DEPTOR: variants seen among roughly 807,000 people sequenced by gnomAD.
DEPTOR encodes the protein DEP domain-containing mTOR-interacting protein.
A neutral mutation model predicts 41.6 loss-of-function variants in DEPTOR; 41 were observed. The observed-to-expected ratio is 0.98, with a 90% CI of 0.77 to 1.28. The LOEUF is 1.28. DEPTOR is among the 50% of genes most tolerant of loss of function. The pLI is 0.00. For synonymous variants in DEPTOR, 195 were observed against 192.3 expected (o/e 1.01, Z -0.12); for missense variants, 514 against 527.9 (o/e 0.97, Z 0.26).
intron 1 of DEPTOR, among the ~76,000 whole-genome samples, chr8:119,910,606 A>T (rs142963324): frequency 2.7e-4 from 41 of 151,784 alleles, no homozygotes; most frequent in Non-Finnish European, 5.7e-4. Flanking sequence ...GTGCCCAGCT[A>T]AGTTTTGTAT....
intron 6 of DEPTOR, 67 bp from the exon 7 acceptor site, chr8:120,006,738 T>C: frequency 7.1e-7 from 1 of 1,409,070 alleles, no homozygotes; most frequent in Non-Finnish European, 1.0e-6. Context: ...TATCAATAAA[T>C]AGCTGCTGAA....
intron 1 of DEPTOR, among the ~76,000 whole-genome samples, chr8:119,896,607 C>T (rs893895388): frequency 5.9e-5 from 9 of 152,166 alleles, no homozygotes; most frequent in Non-Finnish European, 1.2e-4. Context: ...TCAAGTGATT[C>T]TCCCGCCTTG....
At chr8:120,048,579 G>A (rs1448645283) in intron 8 of DEPTOR, among the ~76,000 whole-genome samples, 2 of 152,206 alleles carry the variant, frequency 1.3e-5, no homozygotes, top group African/African-American at 2.4e-5. Flanking sequence ...AGGTTGGGGA[G>A]TGCAAAGTAT....
intron 3 of DEPTOR, among the ~76,000 whole-genome samples, chr8:119,958,375 G>A (rs1295139719): frequency 1.3e-5 from 2 of 152,152 alleles, no homozygotes; most frequent in African/African-American, 2.4e-5. Context: ...AAGGGGCAAA[G>A]GTGGAAGTTG....
chr8:120,021,240 TAAAA>T (rs1207870442), intron 8 of DEPTOR, among the ~76,000 whole-genome samples: 1 of 151,776 alleles, frequency 6.6e-6, no homozygotes, highest in African/African-American at 2.4e-5. Context: ...CCGTCTCTAC[TAAAA>T]ATACAAAAAA....
At chr8:120,002,551 G>A (rs1319645514) in intron 5 of DEPTOR, among the ~76,000 whole-genome samples, 1 of 151,568 alleles carries the variant, frequency 6.6e-6, no homozygotes, top group Non-Finnish European at 1.5e-5. Context: ...ATTTACACCA[G>A]TAACCACAAA....
At chr8:119,875,159 A>G (rs374188809) in intron 1 of DEPTOR, among the ~76,000 whole-genome samples, 6 of 152,312 alleles carry the variant, frequency 3.9e-5, no homozygotes, top group African/African-American at 1.2e-4. Context: ...TTCCTTCATC[A>G]AAAGTACTTT....
At chr8:119,935,996 G>A (rs1280515337) in intron 3 of DEPTOR, among the ~76,000 whole-genome samples, 2 of 102,774 alleles carry the variant, frequency 1.9e-5, no homozygotes, top group African/African-American at 7.5e-5. Context: ...CATTAGTCTA[G>A]TTGTTTTTTT....
chr8:120,000,914 C>A (rs964919011), intron 4 of DEPTOR, among the ~76,000 whole-genome samples: 1 of 151,440 alleles, frequency 6.6e-6, no homozygotes, highest in Non-Finnish European at 1.5e-5. Flanking sequence ...CCCGTCTCTA[C>A]GAAAATACAA....
At chr8:119,959,285 C>A (rs1409051953) in intron 3 of DEPTOR, among the ~76,000 whole-genome samples, 1 of 151,046 alleles carries the variant, frequency 6.6e-6, no homozygotes, top group Admixed American at 6.6e-5. Flanking sequence ...GCCTCAGCCT[C>A]CTCAGCAGAT....
chr8:119,899,480 G>A (rs373333615), intron 1 of DEPTOR, among the ~76,000 whole-genome samples: 11 of 152,104 alleles, frequency 7.2e-5, no homozygotes, highest in African/African-American at 2.7e-4. Context: ...ACTTATAGAA[G>A]GTTAATGCCT....
intron 3 of DEPTOR, among the ~76,000 whole-genome samples, chr8:119,958,276 C>T (rs910178649): frequency 1.2e-4 from 18 of 152,136 alleles, no homozygotes; most frequent in African/African-American, 4.1e-4. Context: ...CTTGCTGTTG[C>T]TTGGACAACC....
chr8:119,948,976 A>G (rs941203426), intron 3 of DEPTOR, among the ~76,000 whole-genome samples: 7 of 152,086 alleles, frequency 4.6e-5, no homozygotes, highest in African/African-American at 1.4e-4. Context: ...TAGTAGAGAC[A>G]GGGTTTCACC....
chr8:119,951,064 C>T (rs1161750508), intron 3 of DEPTOR, among the ~76,000 whole-genome samples: 123 of 119,152 alleles, frequency 1.0e-3, no homozygotes, highest in African/African-American at 3.5e-3. Context: ...CTAATATACA[C>T]ACACACAAAC....
intron 8 of DEPTOR, among the ~76,000 whole-genome samples, chr8:120,027,619 C>T (rs1812818872): frequency 6.6e-6 from 1 of 151,622 alleles, no homozygotes; most frequent in Non-Finnish European, 1.5e-5. Context: ...GAAGGAGAAT[C>T]ACTGGAACCC....
At chr8:119,989,291 G>A (rs535743769) in intron 4 of DEPTOR, among the ~76,000 whole-genome samples, 10 of 152,090 alleles carry the variant, frequency 6.6e-5, no homozygotes, top group Non-Finnish European at 1.2e-4. Flanking sequence ...AGGAGCCACC[G>A]TGCCGGGCCA....
intron 3 of DEPTOR, among the ~76,000 whole-genome samples, chr8:119,933,310 C>T (rs1005894263): frequency 5.9e-5 from 9 of 151,874 alleles, no homozygotes; most frequent in Admixed American, 1.3e-4. Context: ...GCCAACATGG[C>T]GAAACCCTAT....
intron 4 of DEPTOR, among the ~76,000 whole-genome samples, chr8:119,997,246 G>A (rs1812279857): frequency 2.0e-5 from 3 of 151,988 alleles, no homozygotes; most frequent in African/African-American, 7.2e-5. Context: ...CTGATGACTG[G>A]TTGATTGAGA....
At chr8:119,928,599 A>G (rs769166563) in intron 2 of DEPTOR, 21 bp downstream of exon 2, 3 of 1,607,104 alleles carry the variant, frequency 1.9e-6, no homozygotes, top group South Asian at 2.2e-5. Context: ...TGGCGAGTCA[A>G]GGTGACTTGA....
Sources: allele counts gnomAD v4.1 joint callset (sites outside exome capture counted in the v4.1 genomes callset), GRCh38; gene constraint gnomAD v4.1.1; transcripts MANE v1.5; gene names NCBI Gene and HGNC (gene_info 2026-07-23, HGNC 2026-07-21).